L3MBTL4: variants seen among roughly 807,000 people sequenced by gnomAD.
L3MBTL4 encodes lethal(3)malignant brain tumor-like protein 4.
A neutral mutation model predicts 84.5 loss-of-function variants in L3MBTL4; 70 were observed. That is an observed-to-expected ratio of 0.83 (90% CI 0.68 to 1.01). The LOEUF (loss-of-function observed/expected upper bound fraction) is 1.01, where lower values mean the gene tolerates loss of function less well. Ranked by LOEUF, L3MBTL4 falls within the 50% of genes least tolerant of loss-of-function variation. L3MBTL4 has a pLI of 0.00. For missense variants in L3MBTL4, 715 were observed against 754.8 expected (o/e 0.95, Z 0.62); for synonymous variants, 274 against 259.8 (o/e 1.05, Z -0.52).
intron 16 of L3MBTL4, among the ~76,000 whole-genome samples, chr18:5,978,023 G>A (rs1303757752): frequency 1.3e-5 from 2 of 152,206 alleles, no homozygotes; most frequent in Non-Finnish European, 2.9e-5. Context: ...GCGTGAACCT[G>A]ACACATGGTG....
intron 17 of L3MBTL4, among the ~76,000 whole-genome samples, chr18:5,962,876 G>A (rs1270459859): frequency 6.6e-6 from 1 of 152,216 alleles, no homozygotes; most frequent in Non-Finnish European, 1.5e-5. Flanking sequence ...TGTGAGGGCT[G>A]TCCTGGGTGG....
chr18:6,216,694 T>C (rs2046341665), intron 10 of L3MBTL4, among the ~76,000 whole-genome samples: 1 of 152,196 alleles, frequency 6.6e-6, no homozygotes, highest in South Asian at 2.1e-4. Context: ...GCTGGACACA[T>C]TTTTTAAAAA....
intron 7 of L3MBTL4, 86 bp from the exon 8 acceptor site, chr18:6,241,535 C>T: frequency 2.8e-6 from 2 of 712,116 alleles, no homozygotes; most frequent in Non-Finnish European, 4.7e-6. Flanking sequence ...AAAGTAAGTG[C>T]GGTTTTGGCC....
intron 13 of L3MBTL4, among the ~76,000 whole-genome samples, chr18:6,170,268 T>C (rs1438908603): frequency 1.3e-5 from 2 of 152,116 alleles, no homozygotes; most frequent in African/African-American, 2.4e-5. Context: ...TGCAACTCAC[T>C]AGCAGACTAC....
chr18:6,357,336 T>G (rs1386314197), intron 1 of L3MBTL4, among the ~76,000 whole-genome samples: 9 of 152,180 alleles, frequency 5.9e-5, no homozygotes, highest in Non-Finnish European at 1.2e-4. Flanking sequence ...TGGGTGGAAC[T>G]TCAGAAGAAA....
At position 6,135,444 on chromosome 18, in the gene L3MBTL4, C is replaced by T. The variant is rs370120582; in HGVS notation, c.1199+2750G>A. 6.6e-5 allele frequency among the ~76,000 whole-genome samples: 10 copies of T among 152,204 alleles called. No homozygotes were observed. The South Asian group carries it at 1.9e-3, about 28-fold the overall frequency. On this transcript the variant is annotated intron_variant, in intron 14 of 18. Coordinates refer to ENST00000317931, the MANE Select transcript of L3MBTL4 (RefSeq NM_001330559.2). ...ATCATCAGGCTGCAAATTTTCTGAA[C>T]TTTTATGCTCTGTTTTCCTTTTAAA... is the stretch of plus-strand genomic sequence containing the variant.
chr18:6,013,996 C>T (rs1056298151), intron 16 of L3MBTL4, among the ~76,000 whole-genome samples: 2 of 152,176 alleles, frequency 1.3e-5, no homozygotes, highest in African/African-American at 4.8e-5. Flanking sequence ...TCTGTGGAGG[C>T]TTGTGGCTGG....
At chr18:6,335,721 CA>C (rs749024983) in intron 1 of L3MBTL4, among the ~76,000 whole-genome samples, 10 of 152,182 alleles carry the variant, frequency 6.6e-5, no homozygotes, top group Non-Finnish European at 1.2e-4. Flanking sequence ...TGAATTCTCA[CA>C]AGATCTGATG....
chr18:6,199,813 G>A (rs76248167), intron 12 of L3MBTL4, among the ~76,000 whole-genome samples: 13,491 of 152,234 alleles, frequency 0.089, 2,017 homozygotes, highest in African/African-American at 0.31. Context: ...AAGAAGTAAT[G>A]TTGTAGCACA....
intron 3 of L3MBTL4, among the ~76,000 whole-genome samples, chr18:6,304,935 G>T (rs1370692573): frequency 1.3e-5 from 2 of 152,172 alleles, no homozygotes; most frequent in Non-Finnish European, 2.9e-5. Flanking sequence ...CTGTCGCTCA[G>T]TGAGTGTTTG....
rs1457526545 is a variant in L3MBTL4, at chr18:6,107,648, G to C, written c.1200-14120C>G. Among the ~76,000 whole-genome samples the C allele has an allele frequency of 1.3e-5, 2 of 151,952 alleles. 1 individual carries two copies. Among genetic ancestry groups the C allele is most frequent in the East Asian group, 4.0e-4 (2 of 4,986 alleles). On this transcript the variant is annotated intron_variant, in intron 14 of 18. Transcript: ENST00000317931. ...ATGGGAGGGCAGAGATGCTGATGTG[G>C]AGCTAAGATAATAAACGTTGTTACT... is the stretch of plus-strand genomic sequence containing the variant.
chr18:6,280,691 G>C (rs993394975), intron 4 of L3MBTL4, among the ~76,000 whole-genome samples: 4 of 152,170 alleles, frequency 2.6e-5, no homozygotes, highest in African/African-American at 9.7e-5. Flanking sequence ...CCTTGAGATG[G>C]AGAGAGTGTC....
intron 1 of L3MBTL4, among the ~76,000 whole-genome samples, chr18:6,312,614 T>C (rs779626920): frequency 1.3e-5 from 2 of 152,186 alleles, no homozygotes; most frequent in African/African-American, 2.4e-5. Context: ...GCCACTGGCC[T>C]GCATCATCCC....
chr18:6,244,551 A>G lies in L3MBTL4; in HGVS notation c.257T>C (p.Ile86Thr), dbSNP rs1299921185. 1.9e-6 allele frequency: 3 copies of G among 1,613,772 alleles called. No individual in the cohort carries two copies. The highest frequency in any genetic ancestry group is 2.2e-5 in the East Asian group (1 of 44,876). Residue 86 changes from isoleucine to threonine, a missense_variant, in exon 6 of 19, where the codon ATT becomes ACT. Physicochemically the swap from Ile to Thr is moderately conservative, Grantham distance 89. Transcript: ENST00000317931. ...SFPEHENGFQIGMRLEGIDPR... is the reference protein window; with the variant it reads ...SFPEHENGFQTGMRLEGIDPR... ...ATCAATGCCTTCTAATCTCATTCCA[A>G]TCTGAAAACCATTTTCATGCTCTGG...
At chr18:6,310,936 T>G (rs1285980744) in intron 3 of L3MBTL4, among the ~76,000 whole-genome samples, 1 of 152,104 alleles carries the variant, frequency 6.6e-6, no homozygotes, top group East Asian at 1.9e-4. Context: ...TTTAATCAGT[T>G]GAAGGCCTTA....
At chr18:6,055,399 T>A (rs1285217114) in intron 16 of L3MBTL4, among the ~76,000 whole-genome samples, 1 of 152,158 alleles carries the variant, frequency 6.6e-6, no homozygotes, top group Non-Finnish European at 1.5e-5. Flanking sequence ...AGGTGTAGGG[T>A]TCTATGCCCC....
intron 16 of L3MBTL4, among the ~76,000 whole-genome samples, chr18:6,042,255 AC>A (rs2056435519): frequency 6.6e-6 from 1 of 152,012 alleles, no homozygotes; most frequent in South Asian, 2.1e-4. Context: ...GACCTCAATG[AC>A]CCTTCTGTCT....
intron 16 of L3MBTL4, among the ~76,000 whole-genome samples, chr18:6,022,630 G>T (rs531574506): frequency 9.2e-5 from 14 of 152,192 alleles, no homozygotes; most frequent in Admixed American, 2.0e-4. Flanking sequence ...GCTTTATAAG[G>T]ATTATCACAT....
intron 16 of L3MBTL4, among the ~76,000 whole-genome samples, chr18:5,976,303 T>C (rs1030305434): frequency 6.6e-6 from 1 of 152,270 alleles, no homozygotes; most frequent in African/African-American, 2.4e-5. Flanking sequence ...ATAGAATATG[T>C]CGTCAAAACT....
Sources: allele counts gnomAD v4.1 joint callset (sites outside exome capture counted in the v4.1 genomes callset), GRCh38; gene constraint gnomAD v4.1.1; transcripts MANE v1.5; gene names NCBI Gene and HGNC (gene_info 2026-07-23, HGNC 2026-07-21).